CHODL: variants seen among roughly 807,000 people sequenced by gnomAD.
The protein encoded by CHODL is transmembrane protein MT75.
Under a neutral mutation model 34.5 loss-of-function variants are expected in CHODL, and 29 were observed. The observed-to-expected ratio is 0.84, with a 90% CI of 0.63 to 1.15. The LOEUF (loss-of-function observed/expected upper bound fraction) is 1.15, where lower values mean the gene tolerates loss of function less well. Ranked by LOEUF, CHODL falls within the 50% of genes most tolerant of loss-of-function variation. The probability of loss-of-function intolerance (pLI) is 0.00; values close to 1 mark genes in which losing one functional copy is unlikely to be tolerated. For missense variants in CHODL, 332 were observed against 332.5 expected (o/e 1.00, Z 0.01); for synonymous variants, 125 against 116.1 (o/e 1.08, Z -0.49).
At chr21:17,944,169 A>C (rs554052121) in intron 1 of CHODL, among the ~76,000 whole-genome samples, 2 of 152,300 alleles carry the variant, frequency 1.3e-5, no homozygotes, top group South Asian at 2.1e-4. Context: ...TCAGCAAAGC[A>C]AAGGGCTACA....
intron 2 of CHODL, among the ~76,000 whole-genome samples, chr21:18,239,821 C>T (rs770684271): frequency 2.6e-5 from 4 of 151,724 alleles, no homozygotes; most frequent in Non-Finnish European, 5.9e-5. Flanking sequence ...GTCAAAGGAC[C>T]ATAGAAAATT....
chr21:17,941,447 C>CTTTT (rs75876564), intron 1 of CHODL, among the ~76,000 whole-genome samples: 1 of 121,228 alleles, frequency 8.2e-6, no homozygotes, highest in Non-Finnish European at 1.8e-5. Flanking sequence ...AGGAGCTGGG[C>CTTTT]TTTTTTTTTT....
intron 1 of CHODL, among the ~76,000 whole-genome samples, chr21:17,923,739 G>T: frequency 6.6e-6 from 1 of 152,116 alleles, no homozygotes; most frequent in East Asian, 1.9e-4. Context: ...GGGATTACAG[G>T]CCTGAGCCAC....
intron 2 of CHODL, among the ~76,000 whole-genome samples, chr21:18,176,641 AT>A (rs953161906): frequency 6.6e-6 from 1 of 152,126 alleles, no homozygotes; most frequent in East Asian, 1.9e-4. Context: ...CAAAATTAGT[AT>A]TTTTTCCAAA....
At chr21:17,977,204 A>G (rs1251250969) in intron 1 of CHODL, among the ~76,000 whole-genome samples, 1 of 152,124 alleles carries the variant, frequency 6.6e-6, no homozygotes, top group African/African-American at 2.4e-5. Context: ...AGATTAAGGA[A>G]TTTCTCATGT....
intron 2 of CHODL, among the ~76,000 whole-genome samples, chr21:18,039,578 G>A (rs866416321): frequency 5.9e-5 from 9 of 151,380 alleles, no homozygotes; most frequent in African/African-American, 1.9e-4. Context: ...TAGAAATATT[G>A]GCCAACTTTT....
At chr21:18,055,216 CT>C (rs2064564082) in intron 2 of CHODL, among the ~76,000 whole-genome samples, 1 of 151,828 alleles carries the variant, frequency 6.6e-6, no homozygotes, top group African/African-American at 2.4e-5. Flanking sequence ...AACTGAAGAG[CT>C]TATATAGAGA....
At chr21:18,082,807 C>G (rs1188915965) in intron 2 of CHODL, among the ~76,000 whole-genome samples, 1 of 151,746 alleles carries the variant, frequency 6.6e-6, no homozygotes, top group Non-Finnish European at 1.5e-5. Context: ...CTGCTCCTAA[C>G]AGTGTACAGT....
chr21:18,132,078 A>T (rs1018098888), intron 2 of CHODL, among the ~76,000 whole-genome samples: 1 of 152,008 alleles, frequency 6.6e-6, no homozygotes, highest in Non-Finnish European at 1.5e-5. Flanking sequence ...CTCTTTGTCA[A>T]AGTTCTTTTT....
upstream of CHODL, among the ~76,000 whole-genome samples, chr21:18,242,822 GAATTACTAATACC>G (rs1399807456): frequency 2.0e-5 from 3 of 152,164 alleles, no homozygotes; most frequent in African/African-American, 7.2e-5. Flanking sequence ...TGGGCTTCCT[GAATTACTAATACC>G]ATGAAGATCC....
At chr21:18,227,742 G>A (rs572097290) in intron 2 of CHODL, among the ~76,000 whole-genome samples, 37 of 152,156 alleles carry the variant, frequency 2.4e-4, no homozygotes, top group Admixed American at 2.4e-3. Flanking sequence ...TAATAAAATT[G>A]TATAAAACAT....
chr21:18,115,190 G>T (rs866284972), intron 2 of CHODL, among the ~76,000 whole-genome samples: 1 of 152,158 alleles, frequency 6.6e-6, no homozygotes, highest in South Asian at 2.1e-4. Flanking sequence ...AAGATTGTGG[G>T]AAACGCCAGT....
At chr21:18,139,071 G>A (rs1485743208) in intron 2 of CHODL, among the ~76,000 whole-genome samples, 2 of 152,100 alleles carry the variant, frequency 1.3e-5, no homozygotes, top group East Asian at 1.9e-4. Flanking sequence ...ATGTGCGCAT[G>A]AGTATGTGTA....
intron 2 of CHODL, among the ~76,000 whole-genome samples, chr21:18,143,921 C>T (rs562755787): frequency 6.6e-6 from 1 of 152,168 alleles, no homozygotes; most frequent in South Asian, 2.1e-4. Flanking sequence ...CCCCAACCTT[C>T]TACATTGGGG....
At chr21:18,212,483 T>C (rs1488828561) in intron 2 of CHODL, among the ~76,000 whole-genome samples, 2 of 152,122 alleles carry the variant, frequency 1.3e-5, no homozygotes, top group Non-Finnish European at 2.9e-5. Flanking sequence ...AGTACAAACA[T>C]GCATTTACAA....
At chr21:18,201,904 C>A (rs546542924) in intron 2 of CHODL, among the ~76,000 whole-genome samples, 26 of 150,202 alleles carry the variant, frequency 1.7e-4, no homozygotes, top group African/African-American at 6.2e-4. Flanking sequence ...TCCCGGGTTC[C>A]CGCCATTCTC....
intron 1 of CHODL, among the ~76,000 whole-genome samples, chr21:17,939,684 T>A (rs902767209): frequency 2.0e-5 from 3 of 152,134 alleles, no homozygotes; most frequent in Non-Finnish European, 4.4e-5. Flanking sequence ...TTTACTCCAT[T>A]CCAAAGTATT....
At chr21:18,116,665 T>A (rs1491773) in intron 2 of CHODL, among the ~76,000 whole-genome samples, 1 of 151,938 alleles carries the variant, frequency 6.6e-6, no homozygotes, top group Admixed American at 6.6e-5. Flanking sequence ...AGAGCAGGCC[T>A]GAGGCCACTA....
chr21:17,962,119 G>C (rs770298430), intron 1 of CHODL, among the ~76,000 whole-genome samples: 3 of 152,024 alleles, frequency 2.0e-5, no homozygotes, highest in Non-Finnish European at 4.4e-5. Context: ...AAATGTTTAG[G>C]GACCTATTTT....
Sources: allele counts gnomAD v4.1 joint callset (sites outside exome capture counted in the v4.1 genomes callset), GRCh38; gene constraint gnomAD v4.1.1; transcripts MANE v1.5; gene names NCBI Gene and HGNC (gene_info 2026-07-23, HGNC 2026-07-21).